PDE4D: variants seen among roughly 807,000 people sequenced by gnomAD.
PDE4D encodes the protein 3',5'-cyclic-AMP phosphodiesterase 4D.
Under a neutral mutation model 87.4 loss-of-function variants are expected in PDE4D, and 24 were observed. That is an observed-to-expected ratio of 0.27 (90% CI 0.20 to 0.39). PDE4D has a LOEUF of 0.39. Among genes scored for constraint, PDE4D ranks in the 10% least tolerant of loss-of-function variants. The pLI, the probability that PDE4D is intolerant of heterozygous loss-of-function variation, is 1.00. For missense variants in PDE4D, 714 were observed against 1,041.0 expected (o/e 0.69, Z 4.32); for synonymous variants, 384 against 383.2 (o/e 1.00, Z -0.02).
intron 1 of PDE4D, among the ~76,000 whole-genome samples, chr5:60,497,473 G>T (rs1423197172): frequency 6.6e-6 from 1 of 151,942 alleles, no homozygotes; most frequent in African/African-American, 2.4e-5. Context: ...TGTGAACACG[G>T]TTCACTGCAG....
chr5:59,841,328 C>G (rs1191876934), intron 1 of PDE4D, among the ~76,000 whole-genome samples: 1 of 152,054 alleles, frequency 6.6e-6, no homozygotes, highest in African/African-American at 2.4e-5. Context: ...TGTATTGAAC[C>G]AAGGCCAGCA....
intron 1 of PDE4D, among the ~76,000 whole-genome samples, chr5:60,273,939 C>G (rs540570649): frequency 1.4e-4 from 22 of 152,220 alleles, no homozygotes; most frequent in Middle Eastern, 3.4e-3. Flanking sequence ...CTTGGGAACA[C>G]TGGAATAGAT....
chr5:60,136,851 G>T (rs187738724), intron 2 of PDE4D, among the ~76,000 whole-genome samples: 1 of 152,134 alleles, frequency 6.6e-6, no homozygotes. Flanking sequence ...GGATGTGCAG[G>T]TTTGTTACAT....
At chr5:59,403,936 C>T (rs929845977) in intron 1 of PDE4D, among the ~76,000 whole-genome samples, 3 of 152,174 alleles carry the variant, frequency 2.0e-5, no homozygotes, top group Non-Finnish European at 4.4e-5. Flanking sequence ...TAGGAGTGTT[C>T]TCTTTTCTCT....
chr5:60,141,539 A>C (rs1489264300), intron 2 of PDE4D, among the ~76,000 whole-genome samples: 1 of 152,154 alleles, frequency 6.6e-6, no homozygotes, highest in Non-Finnish European at 1.5e-5. Context: ...GCTTTGCTTT[A>C]GGACTCTTCG....
intron 3 of PDE4D, chr5:59,987,714 C>T (rs1582057882): frequency 2.6e-5 from 4 of 152,164 alleles, no homozygotes; most frequent in Admixed American, 2.6e-4. Context: ...ATCCTCTTTC[C>T]TTTCTATCCA....
At chr5:59,734,118 T>G (rs747298716) in intron 1 of PDE4D, among the ~76,000 whole-genome samples, 5 of 152,070 alleles carry the variant, frequency 3.3e-5, no homozygotes, top group Non-Finnish European at 7.4e-5. Flanking sequence ...ATCCTCAGAT[T>G]ACACGCACAC....
chr5:60,037,532 T>C (rs1767947182), intron 2 of PDE4D, among the ~76,000 whole-genome samples: 1 of 152,238 alleles, frequency 6.6e-6, no homozygotes, highest in Non-Finnish European at 1.5e-5. Flanking sequence ...TCATTGGTTT[T>C]AATAATGTTT....
chr5:59,840,336 C>G (rs781676916), intron 1 of PDE4D, among the ~76,000 whole-genome samples: 7 of 149,220 alleles, frequency 4.7e-5, no homozygotes, highest in African/African-American at 1.7e-4. Flanking sequence ...AAATGATCCT[C>G]TGTGTGTGTG....
chr5:59,296,098 T>A (rs1028371217), intron 1 of PDE4D, among the ~76,000 whole-genome samples: 2 of 152,030 alleles, frequency 1.3e-5, no homozygotes, highest in Non-Finnish European at 1.5e-5. Context: ...CTGACTGGCC[T>A]AACAAAACAA....
chr5:60,204,555 G>A (rs1260972972), intron 1 of PDE4D, among the ~76,000 whole-genome samples: 1 of 152,166 alleles, frequency 6.6e-6, no homozygotes, highest in Non-Finnish European at 1.5e-5. Context: ...GGGCTGGATG[G>A]CATTTCCCGC....
At chr5:59,838,348 A>G (rs571743348) in intron 1 of PDE4D, among the ~76,000 whole-genome samples, 1 of 152,212 alleles carries the variant, frequency 6.6e-6, no homozygotes, top group South Asian at 2.1e-4. Flanking sequence ...CAAAGAGGTT[A>G]AGAGACCTGC....
chr5:59,928,449 G>A (rs1306275803), intron 3 of PDE4D, among the ~76,000 whole-genome samples: 3 of 151,982 alleles, frequency 2.0e-5, no homozygotes, highest in Non-Finnish European at 2.9e-5. Flanking sequence ...GTGGTGGTGC[G>A]CGCCTATAAT....
At chr5:59,032,637 G>C (rs894783908) in intron 6 of PDE4D, among the ~76,000 whole-genome samples, 2 of 152,170 alleles carry the variant, frequency 1.3e-5, no homozygotes, top group Non-Finnish European at 2.9e-5. Flanking sequence ...GAATAGAAAA[G>C]TCATGTTTTT....
chr5:59,193,409 AAAATT>A (rs1201316663), intron 3 of PDE4D, 86 bp downstream of exon 3: 21 of 1,177,434 alleles, frequency 1.8e-5, no homozygotes, highest in Admixed American at 4.2e-5. Flanking sequence ...TGCTTGATTT[AAAATT>A]AAATTAAATT....
chr5:60,443,928 CAT>C (rs1213230576), intron 1 of PDE4D, among the ~76,000 whole-genome samples: 1 of 152,102 alleles, frequency 6.6e-6, no homozygotes, highest in Non-Finnish European at 1.5e-5. Flanking sequence ...TGGTCCAAAA[CAT>C]GGCATATCCC....
At chr5:60,453,738 G>A (rs1006442486) in intron 1 of PDE4D, among the ~76,000 whole-genome samples, 4 of 151,602 alleles carry the variant, frequency 2.6e-5, no homozygotes, top group African/African-American at 4.9e-5. Flanking sequence ...TACTTCTCCC[G>A]CTTTCTAACT....
intron 1 of PDE4D, among the ~76,000 whole-genome samples, chr5:60,405,581 A>C (rs1157172189): frequency 6.6e-6 from 1 of 152,204 alleles, no homozygotes; most frequent in African/African-American, 2.4e-5. Flanking sequence ...CAACTAAGAA[A>C]ATTTAACAAA....
intron 1 of PDE4D, among the ~76,000 whole-genome samples, chr5:60,436,151 T>C (rs1744743356): frequency 6.6e-6 from 1 of 152,086 alleles, no homozygotes; most frequent in Non-Finnish European, 1.5e-5. Context: ...ATTTGTGAAT[T>C]AGTTTTCTGG....
Sources: allele counts gnomAD v4.1 joint callset (sites outside exome capture counted in the v4.1 genomes callset), GRCh38; gene constraint gnomAD v4.1.1; transcripts MANE v1.5; gene names NCBI Gene and HGNC (gene_info 2026-07-23, HGNC 2026-07-21).